The following CYP19A1 variants were observed in gnomAD, a reference collection of about 807,000 sequenced individuals.
The protein encoded by CYP19A1 is cytochrome P450 family 19 subfamily A member 1, also known as aromatase.
In CYP19A1, 32 loss-of-function variants were observed where a neutral mutation model predicts 44.4. The observed-to-expected ratio is 0.72, with a 90% CI of 0.54 to 0.97. The LOEUF is 0.97. Among genes scored for constraint, CYP19A1 ranks in the 50% least tolerant of loss-of-function variants. The pLI is 0.00. For missense variants in CYP19A1, 598 were observed against 637.8 expected (o/e 0.94, Z 0.67); for synonymous variants, 212 against 215.6 (o/e 0.98, Z 0.14).
intron 5 of CYP19A1, among the ~76,000 whole-genome samples, chr15:51,219,108 C>T (rs1455282643): frequency 2.0e-5 from 3 of 152,180 alleles, no homozygotes; most frequent in African/African-American, 7.2e-5. Flanking sequence ...TAAGCAGAGC[C>T]ATGAAGTGGA....
chr15:51,307,890 C>G (rs923292102), intron 1 of CYP19A1, among the ~76,000 whole-genome samples: 2 of 152,226 alleles, frequency 1.3e-5, no homozygotes, highest in African/African-American at 4.8e-5. Flanking sequence ...ACCGGAGACA[C>G]TAAAGCTAAG....
At chr15:51,258,687 C>A (rs1009490799) in intron 1 of CYP19A1, among the ~76,000 whole-genome samples, 7 of 152,170 alleles carry the variant, frequency 4.6e-5, no homozygotes, top group African/African-American at 1.7e-4. Context: ...CCAACCCCTG[C>A]GCCAGTCTCT....
Position 51,227,774 on chromosome 15 carries a change from C to G in CYP19A1, c.451+5G>C, listed in dbSNP as rs548091969. On this transcript the variant is annotated splice_donor_5th_base_variant and intron_variant, in intron 4 of 9. Coordinates refer to ENST00000396402, the MANE Select transcript of CYP19A1 (RefSeq NM_000103.4). ...AAGATTGTAGCTAACTAAGTACCTGCTTACCTTTCATAAAGAAGGGTCGAG... is the reference window on the plus strand; with the variant it reads ...AAGATTGTAGCTAACTAAGTACCTGGTTACCTTTCATAAAGAAGGGTCGAG... 6.4e-6 allele frequency: 9 copies of G among 1,409,070 alleles called. No individual in the cohort carries two copies. In the South Asian group the frequency reaches 6.9e-5, roughly 11 times the overall value. The allele number at this position is 1,409,070 out of a possible 1,614,324, so 87.3% of individuals were successfully genotyped here. A position where few individuals can be genotyped will look rare whatever the true frequency, so the allele number is the denominator to read the frequency against.
intron 1 of CYP19A1, among the ~76,000 whole-genome samples, chr15:51,300,944 C>T (rs1040743417): frequency 2.6e-5 from 4 of 151,872 alleles, no homozygotes; most frequent in African/African-American, 9.7e-5. Context: ...GGAGAAACAG[C>T]AGGAAGGAAA....
chr15:51,237,064 T>A, intron 2 of CYP19A1, 55 bp from the exon 3 acceptor site: 1 of 1,601,514 alleles, frequency 6.2e-7, no homozygotes, highest in South Asian at 1.1e-5. Context: ...AAATTGCAAC[T>A]GTTTTGTGTT....
intron 1 of CYP19A1, chr15:51,322,113 G>A (rs2036538410): frequency 6.6e-6 from 1 of 152,284 alleles, no homozygotes; most frequent in Non-Finnish European, 1.5e-5. Flanking sequence ...GGTCGGACCT[G>A]GCTCCACAGA....
At chr15:51,254,081 G>C (rs1053782248) in intron 1 of CYP19A1, among the ~76,000 whole-genome samples, 4 of 152,176 alleles carry the variant, frequency 2.6e-5, no homozygotes, top group Admixed American at 2.6e-4. Context: ...AGGAGAGGCA[G>C]TGCTCTCTTA....
At chr15:51,286,622 C>T (rs371707190) in intron 1 of CYP19A1, among the ~76,000 whole-genome samples, 100 of 152,254 alleles carry the variant, frequency 6.6e-4, no homozygotes, top group African/African-American at 2.4e-3. Context: ...AGGGAATCCT[C>T]CCCAAGAAAA....
intron 1 of CYP19A1, among the ~76,000 whole-genome samples, chr15:51,335,594 A>C (rs2036763377): frequency 6.6e-6 from 1 of 152,162 alleles, no homozygotes; most frequent in African/African-American, 2.4e-5. Context: ...ATTTTCTAGA[A>C]CTCAGCACTT....
chr15:51,259,465 G>C (rs1208744143), intron 1 of CYP19A1, among the ~76,000 whole-genome samples: 2 of 152,172 alleles, frequency 1.3e-5, no homozygotes, highest in African/African-American at 4.8e-5. Flanking sequence ...GCTTCCTTTG[G>C]CTCAAGTCAA....
intron 1 of CYP19A1, among the ~76,000 whole-genome samples, chr15:51,251,011 A>T (rs2034285180): frequency 6.6e-6 from 1 of 152,184 alleles, no homozygotes; most frequent in African/African-American, 2.4e-5. Flanking sequence ...CCACATCACA[A>T]GAACAGGCTT....
Position 51,209,193 on chromosome 15 carries a change from T to A in CYP19A1, c.*1615A>T, listed in dbSNP as rs2030684241. On this transcript the variant is annotated 3_prime_UTR_variant, in exon 10 of 10. Transcript: ENST00000396402. ...AAGCTCAAATAAATGTTTTATTCTT[T>A]ACTAATGTCCATTCTTGAATTCTTG... 6.6e-6 allele frequency: 1 copy of A among 152,230 alleles called. No individual in the cohort carries two copies. Among genetic ancestry groups the A allele is most frequent in the East Asian group, 1.9e-4 (1 of 5,196 alleles). The allele number at this position is 152,230 out of a possible 1,614,324, so 9.4% of individuals were successfully genotyped here.
chr15:51,237,478 CTG>C (rs2033481732), intron 2 of CYP19A1, among the ~76,000 whole-genome samples: 1 of 152,148 alleles, frequency 6.6e-6, no homozygotes, highest in Admixed American at 6.5e-5. Context: ...TAAAACTGGT[CTG>C]TAGTTTTGTA....
At chr15:51,253,605 C>T (rs1332160184) in intron 1 of CYP19A1, among the ~76,000 whole-genome samples, 2 of 152,154 alleles carry the variant, frequency 1.3e-5, no homozygotes, top group Non-Finnish European at 2.9e-5. Context: ...TTCTATCCAC[C>T]TACTATCCTC....
chr15:51,217,284 G>T (rs1241541215), intron 6 of CYP19A1, among the ~76,000 whole-genome samples: 3 of 152,198 alleles, frequency 2.0e-5, no homozygotes, highest in Non-Finnish European at 2.9e-5. Flanking sequence ...CCGTTATACA[G>T]ACTCATACAA....
chr15:51,305,003 G>A (rs1281839677), intron 1 of CYP19A1, among the ~76,000 whole-genome samples: 3 of 148,388 alleles, frequency 2.0e-5, no homozygotes, highest in Admixed American at 6.8e-5. Context: ...AGGTTCAAGC[G>A]ATTCTCCTGC....
At chr15:51,334,493 A>C (rs1380175321) in intron 1 of CYP19A1, among the ~76,000 whole-genome samples, 1 of 152,184 alleles carries the variant, frequency 6.6e-6, no homozygotes, top group Non-Finnish European at 1.5e-5. Context: ...CCATAAGTGG[A>C]GCTTTGCAGT....
chr15:51,252,618 T>C (rs1324583457), intron 1 of CYP19A1, among the ~76,000 whole-genome samples: 2 of 152,196 alleles, frequency 1.3e-5, no homozygotes, highest in Non-Finnish European at 2.9e-5. Context: ...GCCCTCAGAC[T>C]GACAGACTCA....
intron 1 of CYP19A1, among the ~76,000 whole-genome samples, chr15:51,265,735 G>A (rs1217742748): frequency 6.6e-6 from 1 of 152,170 alleles, no homozygotes; most frequent in Non-Finnish European, 1.5e-5. Flanking sequence ...GGCTCTAGAG[G>A]AATCACATTA....
Sources: allele counts gnomAD v4.1 joint callset (sites outside exome capture counted in the v4.1 genomes callset), GRCh38; gene constraint gnomAD v4.1.1; transcripts MANE v1.5; gene names NCBI Gene and HGNC (gene_info 2026-07-23, HGNC 2026-07-21).